CPED1: variants seen among roughly 807,000 people sequenced by gnomAD.
CPED1 encodes the protein cadherin like and PC-esterase domain containing 1, also known as cadherin-like and PC-esterase domain-containing protein 1.
A neutral mutation model predicts 128.2 loss-of-function variants in CPED1; 114 were observed. The ratio of observed to expected loss-of-function variants is 0.89; its 90% CI spans 0.76 to 1.04. CPED1 has a LOEUF of 1.04. Ranked by LOEUF, CPED1 falls within the 50% of genes least tolerant of loss-of-function variation. The pLI, the probability that CPED1 is intolerant of heterozygous loss-of-function variation, is 0.00. For synonymous variants in CPED1, 462 were observed against 426.7 expected (o/e 1.08, Z -1.02); for missense variants, 1,211 against 1,207.1 (o/e 1.00, Z -0.05).
intron 16 of CPED1, among the ~76,000 whole-genome samples, chr7:121,221,192 CTA>C (rs1465076885): frequency 6.6e-6 from 1 of 152,062 alleles, no homozygotes; most frequent in East Asian, 1.9e-4. Flanking sequence ...CAATTCCCAC[CTA>C]TGAGTGAGAA....
chr7:121,272,531 C>G (rs1470801588), intron 22 of CPED1, among the ~76,000 whole-genome samples: 2 of 152,076 alleles, frequency 1.3e-5, no homozygotes, highest in African/African-American at 4.8e-5. Context: ...CTGTCTATCA[C>G]TCTGTTGAGG....
chr7:121,139,878 G>GCAA (rs1795862390), intron 14 of CPED1, among the ~76,000 whole-genome samples: 1 of 151,598 alleles, frequency 6.6e-6, no homozygotes, highest in South Asian at 2.1e-4. Flanking sequence ...TTTATGTAAG[G>GCAA]CAACACCAAG....
At chr7:121,280,872 A>G (rs1174252390) in intron 22 of CPED1, among the ~76,000 whole-genome samples, 2 of 152,192 alleles carry the variant, frequency 1.3e-5, no homozygotes, top group South Asian at 2.1e-4. Context: ...ATTGAATGCC[A>G]TCTGCAGAAT....
intron 7 of CPED1, among the ~76,000 whole-genome samples, chr7:121,100,648 A>G (rs530505072): frequency 1.3e-5 from 2 of 152,318 alleles, no homozygotes; most frequent in East Asian, 3.9e-4. Context: ...TATAAAAGGT[A>G]GCTCAGGTCA....
intron 16 of CPED1, among the ~76,000 whole-genome samples, chr7:121,222,871 T>A (rs1010812221): frequency 3.9e-5 from 6 of 152,066 alleles, no homozygotes; most frequent in Admixed American, 3.9e-4. Flanking sequence ...GACAATGGGG[T>A]TTTCTAAACA....
At chr7:121,069,971 G>A (rs1021080463) in intron 5 of CPED1, among the ~76,000 whole-genome samples, 6 of 151,972 alleles carry the variant, frequency 3.9e-5, no homozygotes, top group African/African-American at 1.2e-4. Flanking sequence ...TGACCTTCAT[G>A]TGAAGCTTGA....
At chr7:121,227,353 G>A (rs1413163577) in intron 16 of CPED1, among the ~76,000 whole-genome samples, 2 of 152,026 alleles carry the variant, frequency 1.3e-5, no homozygotes, top group African/African-American at 2.4e-5. Flanking sequence ...ACTCTGACAA[G>A]TGCTAGAAAC....
Position 121,192,300 on chromosome 7 carries a change from A to G in CPED1, c.2056-44414A>G, listed in dbSNP as rs182313604. Among the ~76,000 whole-genome samples the G allele has an allele frequency of 1.6e-4, 24 of 152,282 alleles. No homozygotes were observed. The East Asian group carries it at 4.6e-3, about 29-fold the overall frequency. ...AATTCAAAACTTTTTGAGTACTGAC[A>G]TGAGGTTCAAAAGAATGCTCATTGG... On this transcript the variant is annotated intron_variant, in intron 16 of 22. Coordinates refer to ENST00000310396, the MANE Select transcript of CPED1 (RefSeq NM_024913.5).
intron 11 of CPED1, among the ~76,000 whole-genome samples, chr7:121,129,129 A>G (rs888844132): frequency 1.3e-5 from 2 of 151,360 alleles, no homozygotes; most frequent in Non-Finnish European, 3.0e-5. Flanking sequence ...TGATACTTAT[A>G]TAGACTGAAA....
chr7:121,250,214 A>C (rs1320730062), intron 18 of CPED1, among the ~76,000 whole-genome samples: 1 of 152,226 alleles, frequency 6.6e-6, no homozygotes, highest in Non-Finnish European at 1.5e-5. Context: ...CCTGCTCCTG[A>C]ATAACTACTG....
chr7:121,244,178 A>G (rs1798465715), intron 17 of CPED1, 24 bp from the exon 18 acceptor site: 1 of 1,614,122 alleles, frequency 6.2e-7, no homozygotes. Context: ...ACAGAACCAA[A>G]GAAAGTTTTG....
At chr7:121,124,281 A>G (rs1479626220) in intron 7 of CPED1, 50 bp from the exon 8 acceptor site, 2 of 1,528,402 alleles carry the variant, frequency 1.3e-6, no homozygotes, top group African/African-American at 1.4e-5. Flanking sequence ...AAAATGATAG[A>G]CAAACTGAGG....
chr7:121,035,467 G>C (rs554266622), intron 3 of CPED1, among the ~76,000 whole-genome samples: 1 of 152,178 alleles, frequency 6.6e-6, no homozygotes, highest in South Asian at 2.1e-4. Flanking sequence ...TTGGGAAGGA[G>C]ATGTGAGTAC....
At chr7:121,235,738 A>T (rs1231970393) in intron 16 of CPED1, among the ~76,000 whole-genome samples, 1 of 152,184 alleles carries the variant, frequency 6.6e-6, no homozygotes, top group Non-Finnish European at 1.5e-5. Context: ...ACCCAGACAA[A>T]TAATAAACAA....
intron 3 of CPED1, among the ~76,000 whole-genome samples, chr7:121,041,887 A>G (rs1176666941): frequency 6.6e-6 from 1 of 152,146 alleles, no homozygotes; most frequent in Non-Finnish European, 1.5e-5. Context: ...TTGTCTGAGA[A>G]GTTTTCATCT....
At chr7:121,088,401 T>A (rs1484274253) in intron 5 of CPED1, among the ~76,000 whole-genome samples, 1 of 152,134 alleles carries the variant, frequency 6.6e-6, no homozygotes, top group East Asian at 1.9e-4. Flanking sequence ...GGCTCACGCC[T>A]GTAATCCCAG....
chr7:121,250,645 G>A (rs1211297212), intron 18 of CPED1, among the ~76,000 whole-genome samples: 5 of 152,070 alleles, frequency 3.3e-5, no homozygotes, highest in Admixed American at 3.3e-4. Flanking sequence ...TATCACCATC[G>A]ATCCCACAGA....
chr7:121,295,349 G>A, intron 22 of CPED1, 91 bp from the exon 23 acceptor site: 1 of 1,432,694 alleles, frequency 7.0e-7, no homozygotes, highest in Non-Finnish European at 9.4e-7. Context: ...CATCTGTGTG[G>A]CAGAGATGCA....
chr7:121,019,334 G>C (rs1055709458), intron 3 of CPED1, among the ~76,000 whole-genome samples: 6 of 152,010 alleles, frequency 3.9e-5, no homozygotes, highest in African/African-American at 1.4e-4. Context: ...CTTCAGAGTA[G>C]TATGTGGTGG....
Sources: gnomAD v4.1 joint callset for allele counts (sites outside exome capture counted in the v4.1 genomes callset) on GRCh38, gnomAD v4.1.1 for gene constraint, MANE v1.5 for transcripts, NCBI Gene and HGNC (gene_info 2026-07-23, HGNC 2026-07-21) for gene names.